Variants in BMPR1B observed in about 807,000 individuals in gnomAD.
The protein encoded by BMPR1B is bone morphogenetic protein receptor type 1B, also known as bone morphogenetic protein receptor type-1B.
BMPR1B carries 12 observed loss-of-function variants against 59.1 expected under a neutral mutation model. That is an observed-to-expected ratio of 0.20 (90% confidence interval 0.13 to 0.33). The LOEUF (loss-of-function observed/expected upper bound fraction) is 0.33. BMPR1B is among the 10% of genes least tolerant of loss of function. The probability of loss-of-function intolerance (pLI) is 1.00; values close to 1 mark genes in which losing one functional copy is unlikely to be tolerated. For missense variants in BMPR1B, 550 were observed against 610.9 expected (o/e 0.90, Z 1.05); for synonymous variants, 237 against 207.3 (o/e 1.14, Z -1.23).
chr4:94,866,406 A>G (rs1174656329), intron 1 of BMPR1B, among the ~76,000 whole-genome samples: 4 of 151,994 alleles, frequency 2.6e-5, no homozygotes, highest in African/African-American at 4.8e-5. Context: ...TTTTCCAGTC[A>G]TATTATCTGT....
intron 1 of BMPR1B, among the ~76,000 whole-genome samples, chr4:94,770,067 A>G (rs569069668): frequency 2.0e-5 from 3 of 152,224 alleles, no homozygotes; most frequent in Non-Finnish European, 2.9e-5. Context: ...GTTTCCTTGC[A>G]GCCCTCACCT....
At chr4:94,866,224 CT>C (rs1268494994) in intron 1 of BMPR1B, among the ~76,000 whole-genome samples, 3 of 152,256 alleles carry the variant, frequency 2.0e-5, no homozygotes, top group Middle Eastern at 6.8e-3. Flanking sequence ...TATTCCAATC[CT>C]TTTTCAGAGG....
At chr4:94,879,158 A>T (rs960061028) in intron 2 of BMPR1B, among the ~76,000 whole-genome samples, 7 of 152,126 alleles carry the variant, frequency 4.6e-5, no homozygotes, top group Non-Finnish European at 8.8e-5. Flanking sequence ...TCATTTCCAG[A>T]TGAGTACCAT....
chr4:95,134,281 A>G (rs954521698), intron 10 of BMPR1B, among the ~76,000 whole-genome samples: 3 of 152,126 alleles, frequency 2.0e-5, no homozygotes, highest in African/African-American at 7.2e-5. Context: ...ATCGATGTAC[A>G]TTTGGGTTGG....
At chr4:95,068,413 C>G (rs1372244588) in intron 3 of BMPR1B, among the ~76,000 whole-genome samples, 3 of 152,148 alleles carry the variant, frequency 2.0e-5, no homozygotes, top group African/African-American at 4.8e-5. Flanking sequence ...CTACCCGTGA[C>G]TGCTGTCAGG....
At chr4:95,007,972 A>C (rs1353101866) in intron 3 of BMPR1B, among the ~76,000 whole-genome samples, 1 of 152,212 alleles carries the variant, frequency 6.6e-6, no homozygotes, top group Non-Finnish European at 1.5e-5. Context: ...AAAACTGAGA[A>C]AAGAATTTAA....
rs182572725 is a variant in BMPR1B, at chr4:95,048,651, G to T, written c.-18+52517G>T. Among the ~76,000 whole-genome samples, 208 of 152,200 alleles carry T rather than the reference G, an allele frequency of 1.4e-3. 2 individuals are homozygous for T. Among genetic ancestry groups the T allele is most frequent in the Non-Finnish European group, 1.1e-3 (78 of 68,012 alleles). ...TGCCCACTTTTTAATGCGATTATTT[G>T]TGTTTTGCTTGTGGAATTGTGAAAC... On this transcript the variant is annotated intron_variant, in intron 3 of 12. Coordinates refer to ENST00000515059, the MANE Select transcript of BMPR1B (RefSeq NM_001203.3).
intron 11 of BMPR1B, among the ~76,000 whole-genome samples, chr4:95,149,799 G>GTGTTC (rs1353248037): frequency 6.6e-6 from 1 of 152,182 alleles, no homozygotes; most frequent in Non-Finnish European, 1.5e-5. Flanking sequence ...GTACTGAGAT[G>GTGTTC]TGTTCTTGTT....
At chr4:94,864,518 T>C (rs1726126972) in intron 1 of BMPR1B, among the ~76,000 whole-genome samples, 2 of 152,182 alleles carry the variant, frequency 1.3e-5, no homozygotes, top group South Asian at 4.2e-4. Flanking sequence ...TTAGCTGCTG[T>C]TTCTAAGCTG....
At chr4:94,781,608 C>T (rs569055569) in intron 1 of BMPR1B, among the ~76,000 whole-genome samples, 16 of 152,236 alleles carry the variant, frequency 1.1e-4, no homozygotes, top group African/African-American at 3.4e-4. Flanking sequence ...GATGGGGTTT[C>T]ACCATCTTGG....
intron 2 of BMPR1B, among the ~76,000 whole-genome samples, chr4:94,926,722 G>A (rs1427152047): frequency 1.3e-5 from 2 of 151,998 alleles, no homozygotes; most frequent in Non-Finnish European, 2.9e-5. Flanking sequence ...GTGTGTGTGT[G>A]TTTGTGTAAA....
At chr4:94,873,647 A>G (rs556501546) in intron 1 of BMPR1B, among the ~76,000 whole-genome samples, 51 of 152,182 alleles carry the variant, frequency 3.4e-4, no homozygotes, top group African/African-American at 9.9e-4. Flanking sequence ...TGACCTTGTG[A>G]TCTGCCCACC....
intron 1 of BMPR1B, among the ~76,000 whole-genome samples, chr4:94,861,898 G>T (rs62316174): frequency 0.015 from 2,224 of 152,188 alleles, 19 homozygotes; most frequent in Non-Finnish European, 0.021. Context: ...TCTGAACTTT[G>T]TTTGAATGAA....
chr4:95,106,260 A>T (rs759697590), intron 4 of BMPR1B, among the ~76,000 whole-genome samples: 1 of 151,932 alleles, frequency 6.6e-6, no homozygotes, highest in Non-Finnish European at 1.5e-5. Flanking sequence ...TTGGGAAGCA[A>T]GTGAAGGGAG....
intron 3 of BMPR1B, among the ~76,000 whole-genome samples, chr4:95,040,695 G>A (rs1451632123): frequency 6.6e-6 from 1 of 152,160 alleles, no homozygotes; most frequent in Non-Finnish European, 1.5e-5. Flanking sequence ...GAGTCGAAGT[G>A]TGAATAATTA....
chr4:94,799,515 G>A (rs1417842108), intron 1 of BMPR1B, among the ~76,000 whole-genome samples: 1 of 151,854 alleles, frequency 6.6e-6, no homozygotes, highest in Non-Finnish European at 1.5e-5. Context: ...TGTTGGCCAG[G>A]ATGGTCTCGA....
At chr4:94,896,375 G>C (rs1727586331) in intron 2 of BMPR1B, among the ~76,000 whole-genome samples, 1 of 151,950 alleles carries the variant, frequency 6.6e-6, no homozygotes, top group Admixed American at 6.6e-5. Flanking sequence ...ATTAACATTT[G>C]AGAGATGACT....
intron 3 of BMPR1B, among the ~76,000 whole-genome samples, chr4:94,996,546 G>T (rs1243429981): frequency 6.6e-6 from 1 of 152,178 alleles, no homozygotes; most frequent in Non-Finnish European, 1.5e-5. Flanking sequence ...ACGTATGAAG[G>T]TGCAGTAGTC....
At position 94,936,863 on chromosome 4, in the gene BMPR1B, T is replaced by A. The variant is rs578080560; in HGVS notation, c.-112-59177T>A. Among the ~76,000 whole-genome samples, 3 of 152,182 alleles carry A rather than the reference T, an allele frequency of 2.0e-5. No individual in the cohort carries two copies. The East Asian group carries it at 5.8e-4, about 30-fold the overall frequency. Reference sequence around the variant, plus strand: ...TCTTCTCTGTGTCCCTTAGCGCAGATCCTCACTGTTTCTCAGACTCTAAAA... The same window carrying A: ...TCTTCTCTGTGTCCCTTAGCGCAGAACCTCACTGTTTCTCAGACTCTAAAA... On this transcript the variant is annotated intron_variant, in intron 2 of 12. Coordinates refer to ENST00000515059, the MANE Select transcript of BMPR1B (RefSeq NM_001203.3).
Sources: allele counts gnomAD v4.1 joint callset (sites outside exome capture counted in the v4.1 genomes callset), GRCh38; gene constraint gnomAD v4.1.1; transcripts MANE v1.5; gene names NCBI Gene and HGNC (gene_info 2026-07-23, HGNC 2026-07-21).